Variants in RAP1GDS1 observed in about 807,000 individuals in gnomAD.
The protein encoded by RAP1GDS1 is RAP1, GTP-GDP dissociation stimulator 1.
In RAP1GDS1, 35 loss-of-function variants were observed where a neutral mutation model predicts 71.1. The observed-to-expected ratio is 0.49, with a 90% confidence interval of 0.38 to 0.65. The LOEUF (loss-of-function observed/expected upper bound fraction) is 0.65. RAP1GDS1 is among the 30% of genes least tolerant of loss of function. The pLI, the probability that RAP1GDS1 is intolerant of heterozygous loss-of-function variation, is 0.00. For synonymous variants in RAP1GDS1, 229 were observed against 243.1 expected (o/e 0.94, Z 0.54); for missense variants, 663 against 706.1 (o/e 0.94, Z 0.69).
chr4:98,329,386 T>C (rs898507857), intron 2 of RAP1GDS1, among the ~76,000 whole-genome samples: 7 of 152,200 alleles, frequency 4.6e-5, no homozygotes, highest in Non-Finnish European at 8.8e-5. Context: ...TCTCATCTGT[T>C]TTATTTTTGC....
chr4:98,406,820 A>G (rs762000381), intron 7 of RAP1GDS1, among the ~76,000 whole-genome samples: 4 of 152,100 alleles, frequency 2.6e-5, no homozygotes, highest in Non-Finnish European at 5.9e-5. Context: ...CTAGTAACCA[A>G]TTATAAAAAG....
intron 2 of RAP1GDS1, among the ~76,000 whole-genome samples, chr4:98,334,575 A>G (rs1254521650): frequency 6.6e-6 from 1 of 152,176 alleles, no homozygotes; most frequent in Non-Finnish European, 1.5e-5. Flanking sequence ...AGGAATTTTT[A>G]TGCTAGACAG....
At chr4:98,312,662 T>C (rs1350284601) in intron 2 of RAP1GDS1, among the ~76,000 whole-genome samples, 2 of 152,228 alleles carry the variant, frequency 1.3e-5, no homozygotes, top group Admixed American at 6.5e-5. Flanking sequence ...TTCAGAGATA[T>C]AGAACCAATG....
chr4:98,391,847 CTT>C (rs1477649051), intron 5 of RAP1GDS1, 103 bp from the exon 6 acceptor site: 39 of 1,102,498 alleles, frequency 3.5e-5, no homozygotes, highest in Non-Finnish European at 3.9e-5. Flanking sequence ...ATTTAAATAA[CTT>C]TGAGTTTCCA....
At chr4:98,387,673 TTGTC>T (rs774265020) in intron 5 of RAP1GDS1, among the ~76,000 whole-genome samples, 2 of 152,214 alleles carry the variant, frequency 1.3e-5, no homozygotes, top group Non-Finnish European at 2.9e-5. Flanking sequence ...TGGTCAGTGT[TTGTC>T]TGTGATGTGT....
In RAP1GDS1 at chr4:98,436,968, T is replaced by C. The variant is rs777011871; in HGVS notation, c.1596T>C (p.Ala532=). 6.2e-7 allele frequency: 1 copy of C among 1,609,268 alleles called. No homozygotes were observed. The highest frequency in any genetic ancestry group is 1.3e-5 in the African/African-American group (1 of 74,686). Residue 532 remains alanine (A), a synonymous_variant, in exon 14 of 15, where the codon GCT becomes GCC. Transcript: ENST00000408927. ...CTGCTGAGAAAGATCTAGAAAGTGC[T>C]AAACTTGTACAGATTTTACATAGAC... ...LGTAEKDLES[A]KLVQILHRLL... is the part of the protein sequence containing the mutation.
At chr4:98,292,964 T>C (rs1403540325) in intron 1 of RAP1GDS1, among the ~76,000 whole-genome samples, 1 of 152,170 alleles carries the variant, frequency 6.6e-6, no homozygotes, top group Non-Finnish European at 1.5e-5. Flanking sequence ...CTTTGTATTA[T>C]TTGGAATCAT....
intron 1 of RAP1GDS1, among the ~76,000 whole-genome samples, chr4:98,270,169 A>G (rs982940206): frequency 6.6e-6 from 1 of 152,196 alleles, no homozygotes; most frequent in Non-Finnish European, 1.5e-5. Flanking sequence ...TTATAATGCC[A>G]TTAATCTATT....
At chr4:98,347,617 C>T (rs895747871) in intron 3 of RAP1GDS1, among the ~76,000 whole-genome samples, 8 of 152,138 alleles carry the variant, frequency 5.3e-5, no homozygotes, top group Non-Finnish European at 1.0e-4. Context: ...CATCCACTAA[C>T]GTTGATTTCT....
intron 2 of RAP1GDS1, among the ~76,000 whole-genome samples, chr4:98,297,485 A>G (rs941181423): frequency 5.3e-5 from 8 of 152,148 alleles, no homozygotes; most frequent in African/African-American, 1.7e-4. Flanking sequence ...GTGTCACATT[A>G]TGGTAATTCT....
intron 6 of RAP1GDS1, among the ~76,000 whole-genome samples, chr4:98,403,418 G>C (rs561137536): frequency 7.9e-5 from 12 of 152,182 alleles, no homozygotes; most frequent in Non-Finnish European, 1.6e-4. Flanking sequence ...GATAATAAAT[G>C]AGCAGTGACT....
intron 7 of RAP1GDS1, among the ~76,000 whole-genome samples, chr4:98,412,773 A>G (rs1747257300): frequency 6.6e-6 from 1 of 152,148 alleles, no homozygotes; most frequent in African/African-American, 2.4e-5. Context: ...CAGGGGTGAC[A>G]TCACATATCG....
At chr4:98,332,997 CCT>C (rs1171833426) in intron 2 of RAP1GDS1, among the ~76,000 whole-genome samples, 1 of 152,046 alleles carries the variant, frequency 6.6e-6, no homozygotes, top group African/African-American at 2.4e-5. Context: ...TCCTATATGT[CCT>C]CTTTCTTAAA....
chr4:98,286,747 G>A (rs1043861668), intron 1 of RAP1GDS1, among the ~76,000 whole-genome samples: 9 of 151,774 alleles, frequency 5.9e-5, no homozygotes, highest in East Asian at 1.9e-4. Context: ...TTAGCTGGGC[G>A]TGGTGGCAGG....
intron 1 of RAP1GDS1, among the ~76,000 whole-genome samples, chr4:98,282,423 G>T (rs1320687834): frequency 6.6e-6 from 1 of 152,098 alleles, no homozygotes; most frequent in Non-Finnish European, 1.5e-5. Flanking sequence ...TTCTCTGATG[G>T]TAGTTTATAT....
At chr4:98,272,674 G>A (rs1449762734) in intron 1 of RAP1GDS1, among the ~76,000 whole-genome samples, 1 of 152,140 alleles carries the variant, frequency 6.6e-6, no homozygotes, top group African/African-American at 2.4e-5. Context: ...TGGATCAGCA[G>A]CAGACCACCA....
intron 4 of RAP1GDS1, among the ~76,000 whole-genome samples, chr4:98,358,584 G>A (rs1738275218): frequency 6.6e-6 from 1 of 151,730 alleles, no homozygotes; most frequent in African/African-American, 2.4e-5. Flanking sequence ...TATTTCTTGA[G>A]ACCAAAAACC....
At chr4:98,379,492 C>G (rs1369876308) in intron 5 of RAP1GDS1, 2 of 162,098 alleles carry the variant, frequency 1.2e-5, no homozygotes, top group Admixed American at 1.3e-4. Flanking sequence ...TATATATATA[C>G]CAGGAGTAGC....
At chr4:98,407,780 A>G (rs980504074) in intron 7 of RAP1GDS1, among the ~76,000 whole-genome samples, 8 of 152,118 alleles carry the variant, frequency 5.3e-5, no homozygotes, top group Non-Finnish European at 1.2e-4. Context: ...CCACTATACA[A>G]TTCATCCATG....
Sources: allele counts gnomAD v4.1 joint callset (sites outside exome capture counted in the v4.1 genomes callset), GRCh38; gene constraint gnomAD v4.1.1; transcripts MANE v1.5; gene names NCBI Gene and HGNC (gene_info 2026-07-23, HGNC 2026-07-21).